Variants in CELF2 observed in about 807,000 individuals in gnomAD.
CELF2 encodes CUG triplet repeat RNA-binding protein 2.
A neutral mutation model predicts 62.6 loss-of-function variants in CELF2; 8 were observed. The ratio of observed to expected loss-of-function variants is 0.13; its 90% CI spans 0.07 to 0.23. The LOEUF (loss-of-function observed/expected upper bound fraction) is 0.23, where lower values mean the gene tolerates loss of function less well. CELF2 is among the 10% of genes least tolerant of loss of function. The pLI is 1.00. For missense variants in CELF2, 333 were observed against 671.0 expected, an observed-to-expected ratio of 0.50 and a Z score of 5.56; for synonymous variants, 258 against 250.0, an observed-to-expected ratio of 1.03 and a Z score of -0.30.
chr10:10,769,899 G>T, the CELF2 span, among the ~76,000 whole-genome samples: 2 of 152,272 alleles, frequency 1.3e-5, no homozygotes, highest in East Asian at 3.9e-4. Context: ...TGGAGAATCA[G>T]TTTACAGCAG....
intron 1 of CELF2, among the ~76,000 whole-genome samples, chr10:11,032,586 G>A (rs1564449424): frequency 6.6e-6 from 1 of 152,158 alleles, no homozygotes; most frequent in Non-Finnish European, 1.5e-5. Context: ...TGATGGCATC[G>A]TTGTTTTGTT....
chr10:10,707,445 T>C, the CELF2 span, among the ~76,000 whole-genome samples: 1 of 152,250 alleles, frequency 6.6e-6, no homozygotes, highest in African/African-American at 2.4e-5. Flanking sequence ...GGTGAAATGA[T>C]AGTTGTCACT....
intron 1 of CELF2, among the ~76,000 whole-genome samples, chr10:11,024,026 A>AT (rs935998264): frequency 6.6e-6 from 1 of 151,828 alleles, no homozygotes; most frequent in Non-Finnish European, 1.5e-5. Context: ...TATTAGACCC[A>AT]TTTTTTTTCC....
chr10:10,699,724 A>C, the CELF2 span, among the ~76,000 whole-genome samples: 1 of 152,244 alleles, frequency 6.6e-6, no homozygotes, highest in Non-Finnish European at 1.5e-5. Flanking sequence ...AGATTGCCAG[A>C]GAAGGCTGGA....
At position 10,892,676 on chromosome 10, in the gene CELF2, G is replaced by A. The variant is rs576118417; in HGVS notation, c.54-27288G>A. ...TTGTGATTTGAACTATCTGGGACAT[G>A]CAGTGAACTTGGACAATGTGTCATT... On this transcript the variant is annotated intron_variant, in intron 1 of 13. Transcript: ENST00000636488. 5.0e-4 allele frequency among the ~76,000 whole-genome samples: 76 copies of A among 152,332 alleles called. 1 individual carries two copies. The highest frequency in any genetic ancestry group is 1.6e-3 in the African/African-American group (65 of 41,582).
the CELF2 span, among the ~76,000 whole-genome samples, chr10:10,512,340 T>C: frequency 2.0e-5 from 3 of 151,470 alleles, no homozygotes; most frequent in Non-Finnish European, 4.4e-5. Context: ...TCTCTACTGC[T>C]GATGCACATT....
Position 10,957,741 on chromosome 10 carries a change from G to A in CELF2, c.89+37742G>A, listed in dbSNP as rs2049057190. ...AGTTGGTAGCTGGTGAACAGAAACT[G>A]GTTTGAAAGTCAGGACAAACACGGG... is the stretch of plus-strand genomic sequence containing the variant. On this transcript the variant is annotated intron_variant, in intron 2 of 13. Coordinates refer to the CELF2 transcript ENST00000636488. This position sits in a 1 kb window ranked among gnomAD's most constrained non-coding sequence, Gnocchi z 4.1. Among the ~76,000 whole-genome samples the A allele has an allele frequency of 6.6e-6, 1 of 152,048 alleles. No homozygotes were observed. The highest frequency in any genetic ancestry group is 2.4e-5 in the African/African-American group (1 of 41,386).
At chr10:10,502,882 T>C in the CELF2 span, among the ~76,000 whole-genome samples, 1 of 151,992 alleles carries the variant, frequency 6.6e-6, no homozygotes, top group Non-Finnish European at 1.5e-5. Flanking sequence ...GTGCTTTCAG[T>C]TTCCTTCAAA....
the CELF2 span, among the ~76,000 whole-genome samples, chr10:10,778,445 A>G: frequency 7.2e-3 from 1,101 of 152,360 alleles, 16 homozygotes; most frequent in African/African-American, 0.025. Context: ...GAGAAAAATT[A>G]TGACTTAACT....
intron 1 of CELF2, among the ~76,000 whole-genome samples, chr10:10,901,796 TG>T (rs2134118610): frequency 6.6e-6 from 1 of 152,346 alleles, no homozygotes; most frequent in East Asian, 1.9e-4. Flanking sequence ...ATTAGGTTTG[TG>T]CAAAAATAAT....
At chr10:10,512,170 G>A in the CELF2 span, among the ~76,000 whole-genome samples, 1 of 152,138 alleles carries the variant, frequency 6.6e-6, no homozygotes, top group Non-Finnish European at 1.5e-5. Flanking sequence ...TAAAGAGCTT[G>A]ATGTGGATGA....
chr10:10,674,384 G>A, the CELF2 span, among the ~76,000 whole-genome samples: 53 of 152,040 alleles, frequency 3.5e-4, no homozygotes, highest in African/African-American at 1.0e-3. Flanking sequence ...TTCTTTATCC[G>A]CTTACTTTTA....
rs1427500899 is a variant in CELF2 at position 10,938,466 on chromosome 10, A to G, written c.89+18467A>G. Among the ~76,000 whole-genome samples the G allele has an allele frequency of 6.6e-6, 1 of 152,226 alleles. No individual in the cohort carries two copies. The highest frequency in any genetic ancestry group is 6.5e-5 in the Admixed American group (1 of 15,284). On this transcript the variant is annotated intron_variant, in intron 2 of 13. Coordinates refer to the CELF2 transcript ENST00000636488. The surrounding 1 kb of genome is among the most constrained non-coding windows in gnomAD (Gnocchi z 4.2). The stretch of plus-strand genomic sequence containing the variant: ...TGTCCTTCAAATTTCGTTTGAATGA[A>G]CATTTTATGGATTTTTGTGACACTG...
At chr10:10,616,731 A>C in the CELF2 span, among the ~76,000 whole-genome samples, 1 of 151,152 alleles carries the variant, frequency 6.6e-6, no homozygotes, top group Non-Finnish European at 1.5e-5. Context: ...AGAGAGAGAG[A>C]GAGAGAGAGA....
intron 2 of CELF2, among the ~76,000 whole-genome samples, chr10:10,979,176 C>T (rs977827400): frequency 6.6e-6 from 1 of 152,152 alleles, no homozygotes; most frequent in African/African-American, 2.4e-5. Context: ...ACTGGGGCCC[C>T]TCCCACACAC....
At chr10:10,638,711 T>C in the CELF2 span, among the ~76,000 whole-genome samples, 1 of 152,200 alleles carries the variant, frequency 6.6e-6, no homozygotes, top group Non-Finnish European at 1.5e-5. Context: ...GCCTAAATCA[T>C]GAAATCTGAC....
chr10:11,167,496 CT>C (rs1216914815), intron 2 of CELF2, among the ~76,000 whole-genome samples: 1 of 152,200 alleles, frequency 6.6e-6, no homozygotes, highest in Non-Finnish European at 1.5e-5. Context: ...GGTTCCGGGA[CT>C]TTCAGCCATG....
the CELF2 span, among the ~76,000 whole-genome samples, chr10:10,759,225 T>G: frequency 6.6e-6 from 1 of 150,904 alleles, no homozygotes; most frequent in Non-Finnish European, 1.5e-5. Context: ...CAGGCCTAAC[T>G]CATCCACCCT....
intron 2 of CELF2, among the ~76,000 whole-genome samples, chr10:10,967,068 C>T (rs1050701250): frequency 2.6e-5 from 4 of 152,184 alleles, no homozygotes; most frequent in Non-Finnish European, 4.4e-5. Context: ...GGCAGCCCCA[C>T]GAACAAAAGT....
Sources: gnomAD v4.1 joint callset for allele counts (sites outside exome capture counted in the v4.1 genomes callset) on GRCh38, gnomAD v4.1.1 for gene constraint, Gnocchi (gnomAD v3.1) non-coding constraint, MANE v1.5 for transcripts, NCBI Gene and HGNC (gene_info 2026-07-23, HGNC 2026-07-21) for gene names.